Variants in GAD2 observed in about 807,000 individuals in gnomAD.
GAD2 encodes the protein glutamate decarboxylase 2, also known as 65 kDa glutamic acid decarboxylase.
GAD2 carries 22 observed loss-of-function variants against 80.1 expected under a neutral mutation model. The ratio of observed to expected loss-of-function variants is 0.27; its 90% CI spans 0.20 to 0.39. The LOEUF (loss-of-function observed/expected upper bound fraction) is 0.39. Ranked by LOEUF, GAD2 falls within the 10% of genes least tolerant of loss-of-function variation. The pLI, the probability that GAD2 is intolerant of heterozygous loss-of-function variation, is 1.00. For missense variants in GAD2, 624 were observed against 738.4 expected (o/e 0.85, Z 1.80); for synonymous variants, 274 against 256.9 (o/e 1.07, Z -0.64).
At chr10:26,260,210 A>G (rs1167061787) in intron 8 of GAD2, among the ~76,000 whole-genome samples, 1 of 152,220 alleles carries the variant, frequency 6.6e-6, no homozygotes, top group Non-Finnish European at 1.5e-5. Flanking sequence ...TCCACTGTTT[A>G]TAATTTATAT....
intron 7 of GAD2, among the ~76,000 whole-genome samples, chr10:26,245,578 T>C (rs1424377961): frequency 6.6e-6 from 1 of 151,774 alleles, no homozygotes; most frequent in African/African-American, 2.4e-5. Context: ...GCTGGAATTA[T>C]AGGCGCCCGC....
rs1589135226 is a variant in GAD2 at position 26,217,766 on chromosome 10, G to C, written c.137-76G>C. ...CAGTCAGCGGAGTCGGGGTTTCCTG[G>C]CTGCGGGTAGGCGGGAGCGAGGGAG... On this transcript the variant is annotated intron_variant, in intron 2 of 15. Coordinates refer to ENST00000376261, the MANE Select transcript of GAD2 (RefSeq NM_001134366.2). The surrounding 1 kb of genome is among the most constrained non-coding windows in gnomAD (Gnocchi z 4.9). The C allele has an allele frequency of 3.2e-5, 51 of 1,582,102 alleles. No homozygotes were observed. The highest frequency in any genetic ancestry group is 4.1e-5 in the Non-Finnish European group (48 of 1,163,128).
chr10:26,293,166 T>TTTCTTC (rs202032232), intron 15 of GAD2, among the ~76,000 whole-genome samples, 175 bp downstream of exon 15: 1 of 147,666 alleles, frequency 6.8e-6, no homozygotes, highest in Non-Finnish European at 1.5e-5. Context: ...TGCAGACATT[T>TTTCTTC]TTCTTCTTTT....
At chr10:26,273,290 T>G (rs2132306862) in intron 10 of GAD2, among the ~76,000 whole-genome samples, 1 of 152,396 alleles carries the variant, frequency 6.6e-6, no homozygotes, top group Non-Finnish European at 1.5e-5. Flanking sequence ...CCTGCCCATC[T>G]TCTCTGCCTT....
chr10:26,280,990 T>C lies in GAD2; in HGVS notation c.1158-19T>C, dbSNP rs772550546. Reference sequence around the variant, plus strand: ...GTCAGGGTGGAGTGCCACCCGCTTATGTGATTTCTTTATTTTAGGGCCAAC... The same window carrying C: ...GTCAGGGTGGAGTGCCACCCGCTTACGTGATTTCTTTATTTTAGGGCCAAC... On this transcript the variant is annotated intron_variant, in intron 11 of 15. Transcript: ENST00000376261. 1 of 1,605,096 alleles carries C rather than the reference T, an allele frequency of 6.2e-7. No individual in the cohort carries two copies. The highest frequency in any genetic ancestry group is 8.5e-7 in the Non-Finnish European group (1 of 1,172,020).
chr10:26,219,927 A>G (rs1295010443), intron 4 of GAD2, among the ~76,000 whole-genome samples: 1 of 152,174 alleles, frequency 6.6e-6, no homozygotes, highest in Non-Finnish European at 1.5e-5. Context: ...AGATAAAGAA[A>G]AAGGGGGGGA....
rs552756075 is a variant in GAD2 at position 26,301,812 on chromosome 10, C to T, written c.*851C>T. The T allele has an allele frequency of 4.6e-5, 7 of 152,156 alleles. No homozygotes were observed. The highest frequency in any genetic ancestry group is 7.4e-5 in the Non-Finnish European group (5 of 68,026). The allele number at this position is 152,156 out of a possible 1,614,324, so 9.4% of individuals were successfully genotyped here. A position where few individuals can be genotyped will look rare whatever the true frequency, so the allele number is the denominator to read the frequency against. ...AGTTTTCCACCCATTTTACTCTTAG[C>T]GGACTCACTCTGCAAGCGTGACAAA... On this transcript the variant is annotated 3_prime_UTR_variant, in exon 16 of 16. Coordinates refer to ENST00000376261, the MANE Select transcript of GAD2 (RefSeq NM_001134366.2).
rs747241251 is a variant in GAD2 at position 26,229,700 on chromosome 10, C to A, written c.763C>A (p.Arg255Ser). The change falls in exon 7 of 16, where the codon CGC becomes AGC. Residue 255 changes from arginine (R) to serine (S), a missense_variant. Coordinates refer to ENST00000376261, the MANE Select transcript of GAD2 (RefSeq NM_001134366.2). ...ISNMYAMMIA[R>S]FKMFPEVKEK... ...TAACATGTATGCCATGATGATCGCACGCTTTAAGATGTTCCCAGAAGTCAA... is the reference window on the plus strand; with the variant it reads ...TAACATGTATGCCATGATGATCGCAAGCTTTAAGATGTTCCCAGAAGTCAA... 6 of 1,614,088 alleles carry A rather than the reference C, an allele frequency of 3.7e-6. 1 individual carries two copies. In the East Asian group the frequency reaches 8.9e-5, roughly 24 times the overall value.
At chr10:26,280,417 C>G (rs981925011) in intron 11 of GAD2, among the ~76,000 whole-genome samples, 3 of 152,100 alleles carry the variant, frequency 2.0e-5, no homozygotes, top group African/African-American at 7.2e-5. Context: ...AAGATGAACA[C>G]TGGTTTGGTC....
chr10:26,281,832 T>G (rs557857774), intron 12 of GAD2, among the ~76,000 whole-genome samples: 8 of 152,318 alleles, frequency 5.3e-5, no homozygotes, highest in African/African-American at 1.4e-4. Context: ...ACATTTATTT[T>G]GTTGATGAAA....
upstream of GAD2, chr10:26,216,706 C>A: frequency 1.2e-6 from 1 of 860,178 alleles, no homozygotes; most frequent in Non-Finnish European, 1.7e-6. This position sits in a 1 kb window ranked among gnomAD's most constrained non-coding sequence, Gnocchi z 4.7. Flanking sequence ...CCGCGCGGTG[C>A]CCTCCTCCCG....
intron 10 of GAD2, among the ~76,000 whole-genome samples, chr10:26,272,926 T>C (rs1333070258): frequency 6.6e-6 from 1 of 152,204 alleles, no homozygotes; most frequent in African/African-American, 2.4e-5. Context: ...GAAGTGATTA[T>C]ATCATAAAAG....
intron 6 of GAD2, 114 bp downstream of exon 6, chr10:26,224,765 G>A: frequency 1.4e-6 from 1 of 704,252 alleles, no homozygotes; most frequent in Non-Finnish European, 2.4e-6. Flanking sequence ...TAAATAGACT[G>A]TGTGTTGATC....
At chr10:26,300,701 A>G in intron 15 of GAD2, 87 bp from the exon 16 acceptor site, 2 of 1,264,538 alleles carry the variant, frequency 1.6e-6, no homozygotes, top group Non-Finnish European at 2.2e-6. Context: ...TGAGCTAAAA[A>G]CTAAAGACGC....
chr10:26,223,901 TTCAA>T lies in GAD2; in HGVS notation c.540_543del (p.Gln181PhefsTer10). 6.2e-7 allele frequency: 1 copy of T among 1,608,394 alleles called. No homozygotes were observed. Among genetic ancestry groups the T allele is most frequent in the Non-Finnish European group, 8.5e-7 (1 of 1,177,832 alleles). ...ATTTTATTCAGGGCATCCTAGATAC[TTCAA>T]TCAACTTTCTACTGGTTTGGATATG... On this transcript the variant is annotated frameshift_variant, in exon 5 of 16. Transcript: ENST00000376261. LOFTEE classifies it high-confidence loss of function.
At chr10:26,275,915 G>T (rs1326513448) in intron 11 of GAD2, among the ~76,000 whole-genome samples, 1 of 152,170 alleles carries the variant, frequency 6.6e-6, no homozygotes, top group African/African-American at 2.4e-5. Context: ...AGGACTTTGG[G>T]AGGCAGAGGT....
intron 7 of GAD2, among the ~76,000 whole-genome samples, chr10:26,235,087 T>A (rs1419401675): frequency 6.6e-6 from 1 of 152,236 alleles, no homozygotes; most frequent in Non-Finnish European, 1.5e-5. Flanking sequence ...TTGGCCAGGC[T>A]GGTCTCGAAC....
intron 15 of GAD2, among the ~76,000 whole-genome samples, chr10:26,296,937 CAG>C (rs895273934): frequency 6.6e-6 from 1 of 151,254 alleles, no homozygotes; most frequent in Non-Finnish European, 1.5e-5. Context: ...TTTTTTAAGA[CAG>C]GGTCTCACTC....
intron 15 of GAD2, among the ~76,000 whole-genome samples, chr10:26,293,966 G>A (rs144745512): frequency 6.6e-6 from 1 of 152,218 alleles, no homozygotes; most frequent in Non-Finnish European, 1.5e-5. Flanking sequence ...GAGCCTAAGG[G>A]CTTGAGCTTT....
Sources: allele counts gnomAD v4.1 joint callset (sites outside exome capture counted in the v4.1 genomes callset), GRCh38; gene constraint gnomAD v4.1.1; non-coding constraint Gnocchi (gnomAD v3.1); transcripts MANE v1.5; gene names NCBI Gene and HGNC (gene_info 2026-07-23, HGNC 2026-07-21).